The following TTC39C variants were observed in gnomAD, a reference collection of about 807,000 sequenced individuals.
The protein encoded by TTC39C is tetratricopeptide repeat domain 39C.
TTC39C carries 33 observed loss-of-function variants against 76.3 expected under a neutral mutation model. The observed-to-expected ratio is 0.43, with a 90% confidence interval of 0.33 to 0.58. TTC39C has a LOEUF of 0.58. TTC39C is among the 20% of genes least tolerant of loss of function. TTC39C has a pLI of 0.04. For missense variants in TTC39C, 595 were observed against 701.4 expected, an observed-to-expected ratio of 0.85 and a Z score of 1.71; for synonymous variants, 254 against 260.6, an observed-to-expected ratio of 0.97 and a Z score of 0.24.
intron 6 of TTC39C, among the ~76,000 whole-genome samples, chr18:24,100,338 C>A (rs2084660423): frequency 6.6e-6 from 1 of 152,238 alleles, no homozygotes; most frequent in Non-Finnish European, 1.5e-5. Flanking sequence ...TTAGGGCTCA[C>A]CCCTGGAGGC....
intron 6 of TTC39C, among the ~76,000 whole-genome samples, chr18:24,107,709 C>G (rs1045428437): frequency 1.3e-5 from 2 of 152,224 alleles, no homozygotes; most frequent in South Asian, 2.1e-4. Flanking sequence ...GATAAATTAT[C>G]CAGTCTCAGA....
chr18:23,995,180 G>C (rs1318063589), intron 1 of TTC39C, among the ~76,000 whole-genome samples: 1 of 152,050 alleles, frequency 6.6e-6, no homozygotes, highest in African/African-American at 2.4e-5. Context: ...TTAAATAAAT[G>C]GAATCGGCCA....
upstream of TTC39C, among the ~76,000 whole-genome samples, chr18:24,010,774 TG>T (rs2145634495): frequency 6.6e-6 from 1 of 152,268 alleles, no homozygotes; most frequent in African/African-American, 2.4e-5. Flanking sequence ...AGGCCAGGCA[TG>T]GGTGGCTCAT....
At chr18:24,066,966 T>C (rs1454445946) in intron 3 of TTC39C, among the ~76,000 whole-genome samples, 2 of 152,144 alleles carry the variant, frequency 1.3e-5, no homozygotes, top group East Asian at 3.9e-4. Context: ...GTGAATAGAA[T>C]AGTGAGTGCT....
chr18:24,075,692 A>ACAAAC (rs201537278), intron 4 of TTC39C, among the ~76,000 whole-genome samples: 2 of 150,920 alleles, frequency 1.3e-5, no homozygotes, highest in African/African-American at 4.9e-5. Context: ...CTCAAAAAAA[A>ACAAAC]AAAAAAAAAA....
intron 1 of TTC39C, among the ~76,000 whole-genome samples, chr18:24,009,558 G>A (rs1485826541): frequency 6.6e-6 from 1 of 152,182 alleles, no homozygotes; most frequent in Non-Finnish European, 1.5e-5. Context: ...GAAAAGGAAG[G>A]AGATGGGTTA....
At chr18:24,026,049 C>T in intron 1 of TTC39C, among the ~76,000 whole-genome samples, 1 of 152,166 alleles carries the variant, frequency 6.6e-6, no homozygotes, top group Non-Finnish European at 1.5e-5. Flanking sequence ...CTTCTAGAGC[C>T]CAAACAGCTC....
intron 6 of TTC39C, among the ~76,000 whole-genome samples, chr18:24,095,438 C>T (rs1285590205): frequency 2.6e-5 from 4 of 152,226 alleles, no homozygotes; most frequent in South Asian, 2.1e-4. Context: ...GTGGTTCATG[C>T]CTGTAATCCC....
At chr18:24,019,408 A>G (rs2083492983) in intron 1 of TTC39C, among the ~76,000 whole-genome samples, 1 of 152,242 alleles carries the variant, frequency 6.6e-6, no homozygotes, top group Non-Finnish European at 1.5e-5. Context: ...TTATTGGTAC[A>G]TAGTTGCTAT....
intron 6 of TTC39C, among the ~76,000 whole-genome samples, chr18:24,096,078 T>C (rs1232307477): frequency 6.6e-6 from 1 of 152,128 alleles, no homozygotes; most frequent in Non-Finnish European, 1.5e-5. Flanking sequence ...ACATCAAAGA[T>C]CACTGATCAT....
chr18:24,110,022 C>A (rs576555574), intron 6 of TTC39C, among the ~76,000 whole-genome samples: 1 of 151,942 alleles, frequency 6.6e-6, no homozygotes, highest in Non-Finnish European at 1.5e-5. Context: ...AAAAAAACCA[C>A]GAAATTTTAA....
chr18:24,091,860 C>T (rs140765436), intron 6 of TTC39C, among the ~76,000 whole-genome samples: 31,615 of 151,690 alleles, frequency 0.21, 3,635 homozygotes, highest in Middle Eastern at 0.3. Flanking sequence ...GAAGCCAAGG[C>T]GGACAGATCA....
At chr18:24,037,320 A>G (rs9946053) in intron 1 of TTC39C, among the ~76,000 whole-genome samples, 4,086 of 152,244 alleles carry the variant, frequency 0.027, 182 homozygotes, top group African/African-American at 0.093. Context: ...TCCCTGACAT[A>G]ATATTTCCCC....
In TTC39C at chr18:24,094,609, G is replaced by A. The variant is rs541890647; in HGVS notation, c.984+11528G>A. ...GAATGGATGTTGTGTTAACAGACAT[G>A]AAAACAACATTATATCTCATTGTAC... is the stretch of plus-strand genomic sequence containing the variant. On this transcript the variant is annotated intron_variant, in intron 6 of 13. Transcript: ENST00000317571. Among the ~76,000 whole-genome samples, 7 of 152,318 alleles carry A rather than the reference G, an allele frequency of 4.6e-5. No homozygotes were observed. The South Asian group carries it at 1.4e-3, about 32-fold the overall frequency.
At chr18:24,117,255 C>T (rs190912840) in intron 7 of TTC39C, among the ~76,000 whole-genome samples, 39 of 152,222 alleles carry the variant, frequency 2.6e-4, no homozygotes, top group Admixed American at 4.6e-4. Flanking sequence ...GGAATAAAAT[C>T]CTTTACATTT....
intron 10 of TTC39C, among the ~76,000 whole-genome samples, chr18:24,126,530 G>C (rs891768799): frequency 6.6e-6 from 1 of 151,278 alleles, no homozygotes; most frequent in Non-Finnish European, 1.5e-5. Context: ...AACTCCGTAA[G>C]AAGTTTTGTA....
chr18:24,113,321 G>C (rs2084841160), intron 6 of TTC39C: 1 of 493,076 alleles, frequency 2.0e-6, no homozygotes, highest in South Asian at 2.7e-5. Context: ...ACTCATTGGT[G>C]CCCTTGTTTC....
At chr18:24,110,400 G>A (rs2084795108) in intron 6 of TTC39C, among the ~76,000 whole-genome samples, 1 of 152,170 alleles carries the variant, frequency 6.6e-6, no homozygotes, top group Non-Finnish European at 1.5e-5. Flanking sequence ...GGTGCTCCTA[G>A]CCAATTAACA....
At chr18:24,078,173 G>A (rs965877468) in intron 4 of TTC39C, among the ~76,000 whole-genome samples, 9 of 152,150 alleles carry the variant, frequency 5.9e-5, no homozygotes, top group African/African-American at 2.2e-4. Context: ...CTACCCTATA[G>A]CATTCTTTTT....
Sources: allele counts gnomAD v4.1 joint callset (sites outside exome capture counted in the v4.1 genomes callset), GRCh38; gene constraint gnomAD v4.1.1; transcripts MANE v1.5; gene names NCBI Gene and HGNC (gene_info 2026-07-23, HGNC 2026-07-21).